Variants in DDB2 observed in about 807,000 individuals in gnomAD.
DDB2 encodes damage specific DNA binding protein 2.
In DDB2, 27 loss-of-function variants were observed where a neutral mutation model predicts 50.5. The ratio of observed to expected loss-of-function variants is 0.53; its 90% CI spans 0.39 to 0.74. DDB2 has a LOEUF of 0.74. Ranked by LOEUF, DDB2 falls within the 30% of genes least tolerant of loss-of-function variation. The pLI, the probability that DDB2 is intolerant of heterozygous loss-of-function variation, is 0.00. For missense variants in DDB2, 424 were observed against 545.6 expected, an observed-to-expected ratio of 0.78 and a Z score of 2.22; for synonymous variants, 176 against 205.5, an observed-to-expected ratio of 0.86 and a Z score of 1.23.
Position 47,238,921 on chromosome 11 carries a change from G to A in DDB2, c.*72G>A. ...CATGGGATCAAGTCCTGCAAGCAGA[G>A]GTGGCGATTTGTTAAAGGGCCAAAA... is the stretch of plus-strand genomic sequence containing the variant. On this transcript the variant is annotated 3_prime_UTR_variant, in exon 10 of 10. Coordinates refer to ENST00000256996, the MANE Select transcript of DDB2 (RefSeq NM_000107.3). 3.2e-6 allele frequency: 5 copies of A among 1,557,516 alleles called. No homozygotes were observed. Among genetic ancestry groups the A allele is most frequent in the Non-Finnish European group, 3.5e-6 (4 of 1,134,824 alleles).
intron 7 of DDB2, 51 bp from the exon 8 acceptor site, chr11:47,237,786 C>T: frequency 6.3e-7 from 1 of 1,592,240 alleles, no homozygotes; most frequent in Non-Finnish European, 8.6e-7. Flanking sequence ...TTGATGTCCC[C>T]CTTGATCATG....
chr11:47,224,845 C>T (rs568250829), intron 3 of DDB2, among the ~76,000 whole-genome samples: 3 of 152,046 alleles, frequency 2.0e-5, no homozygotes, highest in South Asian at 2.1e-4. Flanking sequence ...AGTAGCCCAG[C>T]GTATTTTTCA....
At chr11:47,222,518 A>T (rs1407585312) in intron 3 of DDB2, among the ~76,000 whole-genome samples, 2 of 152,244 alleles carry the variant, frequency 1.3e-5, no homozygotes. Flanking sequence ...TAATTTTAAA[A>T]TTTTGTTATA....
intron 9 of DDB2, among the ~76,000 whole-genome samples, 159 bp from the exon 10 acceptor site, chr11:47,238,641 G>A (rs979988611): frequency 6.6e-6 from 1 of 151,866 alleles, no homozygotes; most frequent in Non-Finnish European, 1.5e-5. Flanking sequence ...CTCGTGATCC[G>A]CCCACCTCAG....
intron 3 of DDB2, among the ~76,000 whole-genome samples, chr11:47,227,308 T>C (rs1183749401): frequency 6.6e-6 from 1 of 151,606 alleles, no homozygotes; most frequent in Admixed American, 6.6e-5. Flanking sequence ...GGTTTCACCA[T>C]GTTGGCCAGG....
chr11:47,235,359 CT>C lies in DDB2; in HGVS notation c.971del (p.Leu324ArgfsTer3). The C allele has an allele frequency of 6.2e-7, 1 of 1,614,016 alleles. No homozygotes were observed. The highest frequency in any genetic ancestry group is 8.5e-7 in the Non-Finnish European group (1 of 1,180,022). ...CTCTGCTTCCCAGTGGGACTGCCCC[CT>C]GGGCCTGATCCCGCACCCTCACCGT... ...VYSASQWDCP[L>X]GLIPHPHRHF... is the part of the protein sequence containing the mutation. On this transcript the variant is annotated frameshift_variant, in exon 7 of 10. Transcript: ENST00000256996. LOFTEE classifies it high-confidence loss of function.
Position 47,234,916 on chromosome 11 carries a change from A to G in DDB2, c.862A>G (p.Arg288Gly), listed in dbSNP as rs145241266. 1 of 1,614,224 alleles carries G rather than the reference A, an allele frequency of 6.2e-7. No individual in the cohort carries two copies. The highest frequency in any genetic ancestry group is 1.3e-5 in the African/African-American group (1 of 75,054). Residue 288 changes from arginine to glycine, a missense_variant, in exon 6 of 10, where the codon AGG becomes GGG. Transcript: ENST00000256996. The part of the protein sequence containing the change: ...KASFLYSLPH[R>G]HPVNAACFSP... ...CAGCTTCCTCTACTCGCTGCCGCAC[A>G]GGCATCCTGTCAACGCAGGTGTGAT...
In DDB2 at chr11:47,214,988, C is replaced by G. The variant is rs554411192; in HGVS notation, c.-149C>G. The G allele has an allele frequency of 5.0e-6, 6 of 1,197,894 alleles. No individual in the cohort carries two copies. Among genetic ancestry groups the G allele is most frequent in the Non-Finnish European group, 7.3e-6 (6 of 816,350 alleles). 74.2% of individuals were successfully genotyped at this position (1,197,894 alleles called of 1,614,324 possible). A position where few individuals can be genotyped will look rare whatever the true frequency, so the allele number is the denominator to read the frequency against. On this transcript the variant is annotated 5_prime_UTR_variant, in exon 1 of 10. Coordinates refer to ENST00000256996, the MANE Select transcript of DDB2 (RefSeq NM_000107.3). Reference sequence around the variant, plus strand: ...AGCTCCAAGCTGGTTTGAACAAGCCCTGGGCATGTTTGGCGGGAAGTTGGC... The same window carrying G: ...AGCTCCAAGCTGGTTTGAACAAGCCGTGGGCATGTTTGGCGGGAAGTTGGC...
intron 4 of DDB2, chr11:47,233,193 T>C (rs1590999823): frequency 3.5e-6 from 2 of 577,170 alleles, no homozygotes; most frequent in East Asian, 6.3e-5. Flanking sequence ...CTGTAAGTCA[T>C]ACCTGTATTA....
chr11:47,218,314 G>C (rs1953430189), intron 3 of DDB2, among the ~76,000 whole-genome samples: 1 of 152,204 alleles, frequency 6.6e-6, no homozygotes, highest in Admixed American at 6.5e-5. Flanking sequence ...TTGGCCTAGA[G>C]TAGCTGCTTT....
intron 3 of DDB2, among the ~76,000 whole-genome samples, chr11:47,224,149 CTA>C (rs1364064289): frequency 1.3e-5 from 2 of 152,158 alleles, no homozygotes; most frequent in Non-Finnish European, 2.9e-5. Flanking sequence ...ATGTTCCTGT[CTA>C]TGTAATTTTT....
At chr11:47,226,278 CTTT>C (rs759607243) in intron 3 of DDB2, among the ~76,000 whole-genome samples, 3 of 139,278 alleles carry the variant, frequency 2.2e-5, no homozygotes, top group Non-Finnish European at 3.1e-5. Context: ...CATTTATTTT[CTTT>C]TTTTTTTTTT....
chr11:47,231,767 G>A (rs916399020), intron 3 of DDB2, among the ~76,000 whole-genome samples: 1 of 151,970 alleles, frequency 6.6e-6, no homozygotes, highest in Non-Finnish European at 1.5e-5. Context: ...CAATCCCCCC[G>A]CCTCAGTCTC....
At chr11:47,230,620 G>A (rs1193760379) in intron 3 of DDB2, among the ~76,000 whole-genome samples, 3 of 152,192 alleles carry the variant, frequency 2.0e-5, no homozygotes, top group Non-Finnish European at 1.5e-5. Flanking sequence ...GGCAGACCAT[G>A]AGCATTAGAA....
At chr11:47,232,481 A>G (rs1205369193) in intron 3 of DDB2, among the ~76,000 whole-genome samples, 1 of 135,402 alleles carries the variant, frequency 7.4e-6, no homozygotes, top group African/African-American at 3.0e-5. Context: ...ACAAAACCCC[A>G]TCTTAAAAAA....
chr11:47,216,225 GATGAGACAGAGATTAACCGTGCCGA>G (rs750210265), intron 1 of DDB2, 86 bp from the exon 2 acceptor site: 5 of 1,520,624 alleles, frequency 3.3e-6, no homozygotes, highest in Non-Finnish European at 4.6e-6. Context: ...CGCAGGAGGT[GATGAGACAGAGATTAACCGTGCCGA>G]ATGAAACAAG....
At chr11:47,217,513 T>C (rs1334958516) in intron 3 of DDB2, 1 of 153,402 alleles carries the variant, frequency 6.5e-6, no homozygotes, top group Non-Finnish European at 1.4e-5. Flanking sequence ...CATTTTCAAA[T>C]ACGTAAATGA....
At chr11:47,234,722 C>T in intron 5 of DDB2, 35 bp from the exon 6 acceptor site, 1 of 1,614,070 alleles carries the variant, frequency 6.2e-7, no homozygotes, top group African/African-American at 1.3e-5. Context: ...CACCTCGGTT[C>T]TGTGTCCCCA....
intron 3 of DDB2, among the ~76,000 whole-genome samples, chr11:47,228,156 A>G (rs1354435960): frequency 1.2e-4 from 18 of 151,380 alleles, no homozygotes. Context: ...AAAAAAAAAA[A>G]AAAAGATTAT....
Sources: allele counts gnomAD v4.1 joint callset (sites outside exome capture counted in the v4.1 genomes callset), GRCh38; gene constraint gnomAD v4.1.1; transcripts MANE v1.5; gene names NCBI Gene and HGNC (gene_info 2026-07-23, HGNC 2026-07-21).